Variants in FGF1 observed in about 807,000 individuals in gnomAD.
The protein encoded by FGF1 is beta-endothelial cell growth factor.
Under a neutral mutation model 13.4 loss-of-function variants are expected in FGF1, and 9 were observed. The observed-to-expected ratio is 0.67, with a 90% CI of 0.40 to 1.17. FGF1 has a LOEUF of 1.17. Among genes scored for constraint, FGF1 ranks in the 50% most tolerant of loss-of-function variants. The pLI, the probability that FGF1 is intolerant of heterozygous loss-of-function variation, is 0.01. For missense variants in FGF1, 156 were observed against 192.7 expected (o/e 0.81, Z 1.13); for synonymous variants, 93 against 79.0 (o/e 1.18, Z -0.94).
At chr5:142,695,228 C>T (rs1402207162) in intron 2 of FGF1, among the ~76,000 whole-genome samples, 1 of 152,136 alleles carries the variant, frequency 6.6e-6, no homozygotes, top group Non-Finnish European at 1.5e-5. Context: ...GTAGGGACTC[C>T]AGCATACCAT....
intron 1 of FGF1, among the ~76,000 whole-genome samples, chr5:142,641,086 C>T (rs896775593): frequency 1.3e-5 from 2 of 152,040 alleles, no homozygotes; most frequent in Non-Finnish European, 2.9e-5. Flanking sequence ...GTATAGAGAT[C>T]CCACACTTAG....
chr5:142,651,632 C>T (rs1767271735), intron 1 of FGF1, among the ~76,000 whole-genome samples: 1 of 152,184 alleles, frequency 6.6e-6, no homozygotes, highest in Admixed American at 6.5e-5. Flanking sequence ...AAAAATCCTT[C>T]ATGTTCTACC....
At position 142,675,830 on chromosome 5, in the gene FGF1, A is replaced by T. The variant is rs1312753836; in HGVS notation, c.-35+10127T>A. Among the ~76,000 whole-genome samples the T allele has an allele frequency of 2.6e-5, 4 of 152,232 alleles. No homozygotes were observed. In the East Asian group the frequency reaches 7.7e-4, roughly 29 times the overall value. ...TCCAAATGATTTGAACTCAAAGCTC[A>T]GTGCCAGGGGACATTGAGCAGAATT... On this transcript the variant is annotated intron_variant, in intron 1 of 3. Transcript: ENST00000337706.
chr5:142,694,207 C>A (rs1752743249), intron 2 of FGF1, among the ~76,000 whole-genome samples: 1 of 151,106 alleles, frequency 6.6e-6, no homozygotes, highest in African/African-American at 2.4e-5. Flanking sequence ...CATGGAGAAC[C>A]AAGCAGATTT....
At chr5:142,610,160 T>C (rs1758750476) in intron 2 of FGF1, among the ~76,000 whole-genome samples, 3 of 152,198 alleles carry the variant, frequency 2.0e-5, no homozygotes, top group Non-Finnish European at 4.4e-5. Context: ...TAGGTAGAAG[T>C]GAAGGAGTTC....
intron 1 of FGF1, among the ~76,000 whole-genome samples, chr5:142,674,398 A>C (rs1443150391): frequency 6.6e-6 from 1 of 152,158 alleles, no homozygotes; most frequent in Non-Finnish European, 1.5e-5. Context: ...AAAGGAAGGG[A>C]GGCAGGGAGG....
intron 1 of FGF1, among the ~76,000 whole-genome samples, chr5:142,648,997 G>A (rs930369856): frequency 2.0e-5 from 3 of 152,178 alleles, no homozygotes; most frequent in African/African-American, 4.8e-5. Flanking sequence ...GACCAGGGGC[G>A]AAGGGACTAC....
chr5:142,693,186 C>G (rs1330525288), intron 2 of FGF1, among the ~76,000 whole-genome samples: 1 of 152,218 alleles, frequency 6.6e-6, no homozygotes, highest in African/African-American at 2.4e-5. Flanking sequence ...TGGGACAAGA[C>G]AAGCTTCTCA....
chr5:142,663,140 GTTC>G (rs1456780553), intron 1 of FGF1, among the ~76,000 whole-genome samples: 3 of 151,692 alleles, frequency 2.0e-5, no homozygotes, highest in Non-Finnish European at 4.4e-5. Flanking sequence ...ATGTTTTAAA[GTTC>G]TTCTCAGCAG....
At chr5:142,684,588 C>T (rs529614962) in intron 1 of FGF1, among the ~76,000 whole-genome samples, 3 of 152,262 alleles carry the variant, frequency 2.0e-5, no homozygotes, top group Admixed American at 6.5e-5. Context: ...GGACTTTCCT[C>T]GGAAGCCCTC....
rs748319388 is a variant in FGF1 at position 142,614,155 on chromosome 5, T to C, written c.-28A>G. ...CTCAGCAGCTGCTGCTTGTGGCGCTTTCAAGACTGTAAGAAATTGAACAAA... is the reference window on the plus strand; with the variant it reads ...CTCAGCAGCTGCTGCTTGTGGCGCTCTCAAGACTGTAAGAAATTGAACAAA... On this transcript the variant is annotated 5_prime_UTR_variant, in exon 2 of 4. Transcript: ENST00000337706. 7 of 1,612,906 alleles carry C rather than the reference T, an allele frequency of 4.3e-6. No homozygotes were observed. Among genetic ancestry groups the C allele is most frequent in the Non-Finnish European group, 5.9e-6 (7 of 1,179,348 alleles).
intron 1 of FGF1, among the ~76,000 whole-genome samples, chr5:142,645,899 T>C (rs80146696): frequency 1.3e-5 from 2 of 152,114 alleles, no homozygotes; most frequent in Non-Finnish European, 2.9e-5. Flanking sequence ...CCTTACTTTG[T>C]TTTTTTGTTT....
intron 1 of FGF1, among the ~76,000 whole-genome samples, chr5:142,658,941 C>G (rs115599450): frequency 0.013 from 1,990 of 152,088 alleles, 52 homozygotes; most frequent in African/African-American, 0.044. Flanking sequence ...GAGAAGAAAA[C>G]CTGGATGGAT....
chr5:142,684,740 C>G (rs1247388660), intron 1 of FGF1, among the ~76,000 whole-genome samples: 2 of 152,236 alleles, frequency 1.3e-5, no homozygotes, highest in African/African-American at 4.8e-5. Flanking sequence ...CTTCCCAAAG[C>G]GAGGCCCACT....
chr5:142,609,438 G>T, intron 2 of FGF1, among the ~76,000 whole-genome samples: 1 of 152,172 alleles, frequency 6.6e-6, no homozygotes, highest in East Asian at 1.9e-4. Context: ...GATAAGTCAT[G>T]GTCCCCCTTC....
intron 1 of FGF1, among the ~76,000 whole-genome samples, chr5:142,637,453 G>A (rs1764461348): frequency 1.3e-5 from 2 of 151,868 alleles, no homozygotes; most frequent in Admixed American, 6.5e-5. Flanking sequence ...CCGAGTAGCT[G>A]GGACTACAGG....
chr5:142,673,819 A>G (rs1771951154), intron 1 of FGF1, among the ~76,000 whole-genome samples: 1 of 152,112 alleles, frequency 6.6e-6, no homozygotes, highest in South Asian at 2.1e-4. Context: ...TAAAATGTCA[A>G]TCATTGCCTG....
At chr5:142,670,674 C>G (rs1771287359) in intron 1 of FGF1, among the ~76,000 whole-genome samples, 1 of 152,184 alleles carries the variant, frequency 6.6e-6, no homozygotes, top group African/African-American at 2.4e-5. Context: ...AAAAAAACCC[C>G]ACAAAAACCT....
intron 1 of FGF1, among the ~76,000 whole-genome samples, chr5:142,642,571 T>C (rs545664000): frequency 6.6e-6 from 1 of 152,338 alleles, no homozygotes; most frequent in South Asian, 2.1e-4. Flanking sequence ...CTTGATGATC[T>C]GGGTAAAGGA....
Sources: gnomAD v4.1 joint callset for allele counts (sites outside exome capture counted in the v4.1 genomes callset) on GRCh38, gnomAD v4.1.1 for gene constraint, MANE v1.5 for transcripts, NCBI Gene and HGNC (gene_info 2026-07-23, HGNC 2026-07-21) for gene names.